Variants in BRSK2 observed in about 807,000 individuals in gnomAD.
The protein encoded by BRSK2 is BR serine/threonine kinase 2, also known as serine/threonine-protein kinase BRSK2.
Under a neutral mutation model 83.3 loss-of-function variants are expected in BRSK2, and 19 were observed. The ratio of observed to expected loss-of-function variants is 0.23; its 90% CI spans 0.16 to 0.33. BRSK2 has a LOEUF of 0.33. Ranked by LOEUF, BRSK2 falls within the 10% of genes least tolerant of loss-of-function variation. The probability of loss-of-function intolerance (pLI) is 1.00; values close to 1 mark genes in which losing one functional copy is unlikely to be tolerated. For missense variants in BRSK2, 798 were observed against 1,042.3 expected (o/e 0.77, Z 3.23); for synonymous variants, 519 against 435.4 (o/e 1.19, Z -2.39).
chr11:1,397,434 A>G (rs1846199646), intron 1 of BRSK2, among the ~76,000 whole-genome samples: 1 of 152,204 alleles, frequency 6.6e-6, no homozygotes, highest in Non-Finnish European at 1.5e-5. Flanking sequence ...CCCCACCCAC[A>G]GAGCAGTGCT....
intron 1 of BRSK2, among the ~76,000 whole-genome samples, chr11:1,414,441 G>A (rs1047704818): frequency 3.3e-5 from 5 of 152,274 alleles, no homozygotes; most frequent in South Asian, 2.1e-4. Context: ...TGTGGAATGC[G>A]GTGTTCATTA....
rs4072884 is a variant in BRSK2 at position 1,461,490 on chromosome 11, C to T, written c.*767C>T. 115,569 of 196,620 alleles carry T rather than the reference C, an allele frequency of 0.59. 34,506 individuals carry two copies. Among genetic ancestry groups the T allele is most frequent in the African/African-American group, 0.67 (27,987 of 41,740 alleles). 12.2% of individuals were successfully genotyped at this position (196,620 alleles called of 1,614,324 possible). A position where few individuals can be genotyped will look rare whatever the true frequency, so the allele number is the denominator to read the frequency against. On this transcript the variant is annotated 3_prime_UTR_variant, in exon 20 of 20. Transcript: ENST00000528841. ...CTGAGGTGGAAACAGAGACACCCTG[C>T]GGCACCAGAGCCTTCCCAGCAGGCC... is the stretch of plus-strand genomic sequence containing the variant.
chr11:1,402,475 G>A (rs558555557), intron 1 of BRSK2, among the ~76,000 whole-genome samples: 8 of 152,342 alleles, frequency 5.3e-5, no homozygotes, highest in Admixed American at 1.3e-4. Flanking sequence ...CCCCGCCTCC[G>A]GGGAGGAGCA....
At chr11:1,450,954 CA>C (rs1258166849) in intron 14 of BRSK2, among the ~76,000 whole-genome samples, 160 bp downstream of exon 14, 1 of 152,222 alleles carries the variant, frequency 6.6e-6, no homozygotes, top group African/African-American at 2.4e-5. Context: ...CGCCCAGCAG[CA>C]GCCTGTGTCC....
chr11:1,413,635 A>G (rs1056986303), intron 1 of BRSK2, among the ~76,000 whole-genome samples: 2 of 152,194 alleles, frequency 1.3e-5, no homozygotes, highest in African/African-American at 4.8e-5. Context: ...GAGCTGGGCC[A>G]TGTGGCCTGG....
chr11:1,425,912 G>A (rs1849161004), intron 1 of BRSK2, among the ~76,000 whole-genome samples: 1 of 152,194 alleles, frequency 6.6e-6, no homozygotes, highest in South Asian at 2.1e-4. Flanking sequence ...CTGCCCCGGG[G>A]CCAGTGCCTC....
At position 1,440,287 on chromosome 11, in the gene BRSK2, C is replaced by T. The variant is rs550550785; in HGVS notation, c.273-501C>T. ...GGCCAACCTTTTCCTCACCCCCTTCCCCTGGCCCTCACACCTCCTGTTCCC... is the reference window on the plus strand; with the variant it reads ...GGCCAACCTTTTCCTCACCCCCTTCTCCTGGCCCTCACACCTCCTGTTCCC... On this transcript the variant is annotated intron_variant, in intron 3 of 19. Coordinates refer to ENST00000528841, the MANE Select transcript of BRSK2 (RefSeq NM_001256627.2). 2.6e-5 allele frequency among the ~76,000 whole-genome samples: 4 copies of T among 152,286 alleles called. No homozygotes were observed. In the South Asian group the frequency reaches 8.3e-4, roughly 32 times the overall value.
At chr11:1,449,168 C>T (rs1044044109) in intron 12 of BRSK2, among the ~76,000 whole-genome samples, 1 of 152,256 alleles carries the variant, frequency 6.6e-6, no homozygotes, top group Non-Finnish European at 1.5e-5. Context: ...GGGCCAGGGC[C>T]TCCCTCCTGC....
chr11:1,397,970 T>A (rs1846224605), intron 1 of BRSK2, among the ~76,000 whole-genome samples: 1 of 152,184 alleles, frequency 6.6e-6, no homozygotes, highest in African/African-American at 2.4e-5. Flanking sequence ...GAGGGCAGGC[T>A]GGCCTTCCCG....
Position 1,443,513 on chromosome 11 carries a change from A to G in BRSK2, c.658A>G (p.Asn220Asp). The change falls in exon 8 of 20, where the codon AAC becomes GAC. Residue 220 changes from asparagine (N) to aspartate (D), a missense_variant. Physicochemically the swap from Asn to Asp is conservative, Grantham distance 23 (BLOSUM62 1). Coordinates refer to ENST00000528841, the MANE Select transcript of BRSK2 (RefSeq NM_001256627.2). ...GGGGGCTCTGCCCTTCGACGATGACAACTTGCGACAGCTGCTGGAGAAGGT... is the reference window on the plus strand; with the variant it reads ...GGGGGCTCTGCCCTTCGACGATGACGACTTGCGACAGCTGCTGGAGAAGGT... The part of the protein sequence containing the change: ...LVGALPFDDD[N>D]LRQLLEKVKR... 1 of 1,605,350 alleles carries G rather than the reference A, an allele frequency of 6.2e-7. No individual in the cohort carries two copies. The highest frequency in any genetic ancestry group is 8.5e-7 in the Non-Finnish European group (1 of 1,176,244).
In BRSK2 at chr11:1,423,900, C is replaced by T. The variant is rs1590429768; in HGVS notation, c.92-12140C>T. On this transcript the variant is annotated intron_variant, in intron 1 of 19. Coordinates refer to ENST00000528841, the MANE Select transcript of BRSK2 (RefSeq NM_001256627.2). The surrounding 1 kb of genome is among the most constrained non-coding windows in gnomAD (Gnocchi z 6.5). ...TCCCCCACCCCCATCTTGCTTTCAC[C>T]CTCACGTGGCGCCCCCATCCCACCC... Among the ~76,000 whole-genome samples, 1 of 152,180 alleles carries T rather than the reference C, an allele frequency of 6.6e-6. No individual in the cohort carries two copies. Among genetic ancestry groups the T allele is most frequent in the Admixed American group, 6.5e-5 (1 of 15,300 alleles).
At chr11:1,443,268 G>A in intron 6 of BRSK2, 67 bp from the exon 7 acceptor site, 1 of 1,539,584 alleles carries the variant, frequency 6.5e-7, no homozygotes, top group Non-Finnish European at 8.7e-7. Flanking sequence ...CTCCCTCTGA[G>A]CCCAGGCCCT....
chr11:1,445,842 C>T lies in BRSK2; in HGVS notation c.1161C>T (p.Ser387=), dbSNP rs564530908. Residue 387 remains serine, a synonymous_variant, in exon 12 of 20, where the codon AGC becomes AGT. Coordinates refer to ENST00000528841, the MANE Select transcript of BRSK2 (RefSeq NM_001256627.2). ...RPERKSMEVL[S]VTDGGSPVPA... is the part of the protein sequence containing the mutation. Reference sequence around the variant, plus strand: ...AACGCAAATCCATGGAGGTGCTCAGCGTGACGGACGGCGGCTCCCCGGTGC... The same window carrying T: ...AACGCAAATCCATGGAGGTGCTCAGTGTGACGGACGGCGGCTCCCCGGTGC... The T allele has an allele frequency of 2.3e-5, 37 of 1,612,366 alleles. No individual in the cohort carries two copies. Among genetic ancestry groups the T allele is most frequent in the East Asian group, 1.1e-4 (5 of 44,876 alleles).
At chr11:1,410,853 G>A in intron 1 of BRSK2, 5 of 985,552 alleles carry the variant, frequency 5.1e-6, no homozygotes, top group Non-Finnish European at 6.0e-6. Flanking sequence ...GCCTGAGGAG[G>A]AGCTTCAGCA....
intron 1 of BRSK2, among the ~76,000 whole-genome samples, chr11:1,433,683 C>T (rs570794877): frequency 1.5e-3 from 226 of 152,392 alleles, no homozygotes; most frequent in African/African-American, 5.2e-3. Context: ...CCTCCAGCCG[C>T]CCTGGATTAT....
intron 1 of BRSK2, among the ~76,000 whole-genome samples, chr11:1,418,455 T>C (rs979517884): frequency 6.7e-6 from 1 of 148,242 alleles, no homozygotes; most frequent in African/African-American, 2.5e-5. Context: ...CTGTTGGCTG[T>C]TTCTTCTCTT....
intron 13 of BRSK2, 87 bp downstream of exon 13, chr11:1,449,923 G>C: frequency 9.4e-7 from 1 of 1,063,860 alleles, no homozygotes; most frequent in Admixed American, 1.9e-5. Context: ...GGGCAGCCTC[G>C]CGGACCCTGG....
intron 1 of BRSK2, among the ~76,000 whole-genome samples, chr11:1,414,657 G>A (rs929069505): frequency 2.6e-5 from 4 of 152,140 alleles, no homozygotes; most frequent in Non-Finnish European, 4.4e-5. Context: ...ATTCAGGGAC[G>A]GTTAGCGCAT....
At chr11:1,446,889 A>G (rs1281562933) in intron 12 of BRSK2, among the ~76,000 whole-genome samples, 2 of 152,042 alleles carry the variant, frequency 1.3e-5, no homozygotes, top group East Asian at 1.9e-4. Flanking sequence ...CCCTCCTTGT[A>G]CTGGAGATGT....
Sources: gnomAD v4.1 joint callset for allele counts (sites outside exome capture counted in the v4.1 genomes callset) on GRCh38, gnomAD v4.1.1 for gene constraint, Gnocchi (gnomAD v3.1) non-coding constraint, MANE v1.5 for transcripts, NCBI Gene and HGNC (gene_info 2026-07-23, HGNC 2026-07-21) for gene names.